RBFOX1: variants seen among roughly 807,000 people sequenced by gnomAD.
The protein encoded by RBFOX1 is RNA binding protein fox-1 homolog 1.
RBFOX1 carries 8 observed loss-of-function variants against 57.7 expected under a neutral mutation model. That is an observed-to-expected ratio of 0.14 (90% confidence interval 0.08 to 0.25). RBFOX1 has a LOEUF of 0.25. Among genes scored for constraint, RBFOX1 ranks in the 10% least tolerant of loss-of-function variants. The pLI is 1.00. For synonymous variants in RBFOX1, 326 were observed against 222.4 expected (o/e 1.47, Z -4.15); for missense variants, 611 against 548.5 (o/e 1.11, Z -1.14).
intron 4 of RBFOX1, among the ~76,000 whole-genome samples, chr16:5,913,005 G>T (rs1424047624): frequency 6.6e-6 from 1 of 152,146 alleles, no homozygotes; most frequent in Non-Finnish European, 1.5e-5. Flanking sequence ...TCTTCTTAGG[G>T]TCAGAAGACC....
At chr16:6,671,977 A>G (rs2098768163) in intron 3 of RBFOX1, among the ~76,000 whole-genome samples, 1 of 152,224 alleles carries the variant, frequency 6.6e-6, no homozygotes, top group South Asian at 2.1e-4. Context: ...AATATCGAAC[A>G]GCTGATTTTA....
intron 4 of RBFOX1, among the ~76,000 whole-genome samples, chr16:7,081,301 C>T (rs2059160735): frequency 6.6e-6 from 1 of 152,224 alleles, no homozygotes; most frequent in Non-Finnish European, 1.5e-5. Flanking sequence ...TCCCAAAGTG[C>T]TGGGATTATA....
chr16:6,830,943 A>G (rs72766781), intron 3 of RBFOX1, among the ~76,000 whole-genome samples: 9,175 of 152,268 alleles, frequency 0.06, 417 homozygotes, highest in Non-Finnish European at 0.098. Flanking sequence ...TTGTGAATCC[A>G]TGGATATTTT....
chr16:6,836,422 T>A (rs1360524024), intron 3 of RBFOX1, among the ~76,000 whole-genome samples: 1 of 152,234 alleles, frequency 6.6e-6, no homozygotes, highest in Non-Finnish European at 1.5e-5. Flanking sequence ...GTCATATTTC[T>A]CAACAAACTC....
At chr16:7,440,363 G>A (rs1219548288) in intron 4 of RBFOX1, among the ~76,000 whole-genome samples, 1 of 152,182 alleles carries the variant, frequency 6.6e-6, no homozygotes, top group African/African-American at 2.4e-5. Flanking sequence ...AAGCTTTCGA[G>A]GAGGGGGAAA....
intron 4 of RBFOX1, among the ~76,000 whole-genome samples, chr16:7,067,220 C>T (rs1052766302): frequency 2.6e-5 from 4 of 152,142 alleles, no homozygotes; most frequent in Non-Finnish European, 5.9e-5. Flanking sequence ...AAGCAGAGTT[C>T]TTCCAGGCAG....
At chr16:7,244,337 G>T (rs545230747) in intron 4 of RBFOX1, among the ~76,000 whole-genome samples, 6 of 150,680 alleles carry the variant, frequency 4.0e-5, no homozygotes, top group Non-Finnish European at 1.5e-5. Flanking sequence ...AAAGTTGCTG[G>T]CCTTTGAGCA....
At chr16:5,418,331 G>A (rs1452044692) in intron 1 of RBFOX1, among the ~76,000 whole-genome samples, 1 of 152,088 alleles carries the variant, frequency 6.6e-6, no homozygotes, top group African/African-American at 2.4e-5. Context: ...GGGGCATCTC[G>A]GTGGGAGGCA....
intron 4 of RBFOX1, among the ~76,000 whole-genome samples, chr16:7,234,863 T>A (rs2093691077): frequency 2.0e-5 from 3 of 152,138 alleles, no homozygotes; most frequent in Admixed American, 2.0e-4. Flanking sequence ...ATTTAATGGA[T>A]AACAATTTTG....
intron 3 of RBFOX1, among the ~76,000 whole-genome samples, chr16:6,779,851 TTA>T (rs1229282812): frequency 9.0e-5 from 2 of 22,268 alleles, no homozygotes; most frequent in Non-Finnish European, 1.4e-4. Context: ...ATATATATAT[TTA>T]TATATATTTA....
chr16:7,622,042 A>T (rs978494066), intron 10 of RBFOX1, among the ~76,000 whole-genome samples: 1 of 152,198 alleles, frequency 6.6e-6, no homozygotes, highest in African/African-American at 2.4e-5. Context: ...TAAAATCGTA[A>T]AAAGCATTCC....
At chr16:7,401,203 A>G (rs1223725711) in intron 4 of RBFOX1, among the ~76,000 whole-genome samples, 1 of 152,246 alleles carries the variant, frequency 6.6e-6, no homozygotes, top group Non-Finnish European at 1.5e-5. Flanking sequence ...TTTTCATCAC[A>G]CAGTAGTTGG....
chr16:7,190,393 A>T (rs1345921527), intron 4 of RBFOX1, among the ~76,000 whole-genome samples: 1 of 152,170 alleles, frequency 6.6e-6, no homozygotes, highest in African/African-American at 2.4e-5. Flanking sequence ...AATAAAAAAT[A>T]AAACTTCCCT....
rs151056424 is a variant in RBFOX1, at chr16:7,436,236, T to G, written c.28-81911T>G. On this transcript the variant is annotated intron_variant, in intron 4 of 15. Coordinates refer to ENST00000550418, the MANE Select transcript of RBFOX1 (RefSeq NM_018723.4). ...TATTGTTTTTGTTTTTATTTTTCTA[T>G]TTGACAATGAATCGTGAGCATCTTT... Among the ~76,000 whole-genome samples the G allele has an allele frequency of 5.3e-3, 812 of 152,346 alleles. 6 individuals carry two copies. Among genetic ancestry groups the G allele is most frequent in the African/African-American group, 0.018 (763 of 41,580 alleles).
chr16:5,538,680 C>A (rs149387914), intron 2 of RBFOX1, among the ~76,000 whole-genome samples: 2 of 149,462 alleles, frequency 1.3e-5, no homozygotes, highest in African/African-American at 5.0e-5. Context: ...GGCTGGAGTG[C>A]AGTGGTGTGA....
intron 3 of RBFOX1, among the ~76,000 whole-genome samples, chr16:6,879,149 T>C (rs958177952): frequency 2.0e-5 from 3 of 152,198 alleles, no homozygotes; most frequent in Admixed American, 2.0e-4. Context: ...AGACAAATCA[T>C]TGACAAAACG....
At chr16:6,192,462 C>G (rs547238417) in intron 1 of RBFOX1, among the ~76,000 whole-genome samples, 38 of 152,162 alleles carry the variant, frequency 2.5e-4, no homozygotes, top group Non-Finnish European at 4.7e-4. Flanking sequence ...TCTTCCTTCC[C>G]TCTCCATTTT....
intron 3 of RBFOX1, among the ~76,000 whole-genome samples, chr16:6,786,053 G>A (rs1188367520): frequency 6.6e-6 from 1 of 152,200 alleles, no homozygotes; most frequent in East Asian, 1.9e-4. Context: ...CTGCACTGGG[G>A]AGGATGTACC....
At chr16:5,911,682 A>G (rs973392380) in intron 4 of RBFOX1, among the ~76,000 whole-genome samples, 1 of 152,174 alleles carries the variant, frequency 6.6e-6, no homozygotes, top group African/African-American at 2.4e-5. Context: ...TATTTTTCAC[A>G]GCTCTGGAGT....
Sources: gnomAD v4.1 joint callset for allele counts (sites outside exome capture counted in the v4.1 genomes callset) on GRCh38, gnomAD v4.1.1 for gene constraint, MANE v1.5 for transcripts, NCBI Gene and HGNC (gene_info 2026-07-23, HGNC 2026-07-21) for gene names.